FNDC3A: variants seen among roughly 807,000 people sequenced by gnomAD.
FNDC3A encodes the protein fibronectin type-III domain-containing protein 3A.
In FNDC3A, 32 loss-of-function variants were observed where a neutral mutation model predicts 148.9. The ratio of observed to expected loss-of-function variants is 0.21; its 90% CI spans 0.16 to 0.29. The LOEUF is 0.29. Ranked by LOEUF, FNDC3A falls within the 10% of genes least tolerant of loss-of-function variation. FNDC3A has a pLI of 1.00. For synonymous variants in FNDC3A, 472 were observed against 473.6 expected (o/e 1.00, Z 0.04); for missense variants, 1,191 against 1,452.8 (o/e 0.82, Z 2.93).
At chr13:49,126,234 T>A (rs1566267644) in intron 4 of FNDC3A, among the ~76,000 whole-genome samples, 1 of 152,020 alleles carries the variant, frequency 6.6e-6, no homozygotes, top group Non-Finnish European at 1.5e-5. Context: ...TTTTTTCCCC[T>A]CTTCTGTCTA....
intron 2 of FNDC3A, among the ~76,000 whole-genome samples, chr13:49,017,140 C>A (rs905665917): frequency 2.6e-5 from 4 of 152,036 alleles, no homozygotes; most frequent in Non-Finnish European, 4.4e-5. Context: ...GAGCTGAGTT[C>A]AATTCCTGGG....
intron 25 of FNDC3A, among the ~76,000 whole-genome samples, chr13:49,206,533 C>CA (rs1886654240): frequency 6.6e-6 from 1 of 152,160 alleles, no homozygotes; most frequent in South Asian, 2.1e-4. Flanking sequence ...CCTTGTGAGG[C>CA]ATGGCAGAGG....
intron 11 of FNDC3A, among the ~76,000 whole-genome samples, chr13:49,172,679 T>A (rs184912826): frequency 1.3e-5 from 2 of 152,228 alleles, no homozygotes; most frequent in Non-Finnish European, 2.9e-5. Context: ...GGAACACTTA[T>A]GATTCCATGT....
chr13:49,020,017 T>G (rs553536601), intron 2 of FNDC3A, among the ~76,000 whole-genome samples: 1 of 152,292 alleles, frequency 6.6e-6, no homozygotes, highest in South Asian at 2.1e-4. Flanking sequence ...TCATCTTAAG[T>G]TTGGAAGTAC....
At chr13:49,045,099 GCCTTTC>G (rs981058394) in intron 2 of FNDC3A, 1 of 132,866 alleles carries the variant, frequency 7.5e-6, no homozygotes, top group African/African-American at 3.5e-5. Flanking sequence ...CTTTCCCTTT[GCCTTTC>G]CCTTTCCTTT....
intron 1 of FNDC3A, among the ~76,000 whole-genome samples, chr13:49,004,756 TA>T (rs1952190420): frequency 1.3e-5 from 2 of 152,018 alleles, no homozygotes; most frequent in African/African-American, 4.8e-5. Flanking sequence ...CAGTGGTTTT[TA>T]TTTTTTTTAA....
intron 8 of FNDC3A, among the ~76,000 whole-genome samples, chr13:49,164,488 A>T (rs1884345269): frequency 6.6e-6 from 1 of 152,136 alleles, no homozygotes; most frequent in Non-Finnish European, 1.5e-5. Context: ...TATTTTGTTG[A>T]GTAGGTTTTC....
chr13:49,158,576 C>T lies in FNDC3A; in HGVS notation c.978-8668C>T, dbSNP rs557623229. On this transcript the variant is annotated intron_variant, in intron 8 of 25. Transcript: ENST00000492622. ...TCTCCCATTCTGTAGGTTGCCTGTT[C>T]ACTCTGATGGTAGTTTATTTTGCTG... Among the ~76,000 whole-genome samples, 48 of 152,340 alleles carry T rather than the reference C, an allele frequency of 3.2e-4. No individual in the cohort carries two copies. In the South Asian group the frequency reaches 9.9e-3, roughly 32 times the overall value.
intron 4 of FNDC3A, among the ~76,000 whole-genome samples, chr13:49,116,029 T>G (rs1304926217): frequency 1.3e-5 from 2 of 152,214 alleles, no homozygotes; most frequent in African/African-American, 4.8e-5. Flanking sequence ...AGTTCATGAT[T>G]TATTGAGTGG....
chr13:49,176,362 C>T (rs1885030904), intron 13 of FNDC3A, among the ~76,000 whole-genome samples: 1 of 152,052 alleles, frequency 6.6e-6, no homozygotes, highest in African/African-American at 2.4e-5. Context: ...AACCATTATT[C>T]TCAGCAAACT....
Position 49,198,577 on chromosome 13 carries a change from A to C in FNDC3A, c.2987+3A>C. 6.2e-7 allele frequency: 1 copy of C among 1,606,142 alleles called. No homozygotes were observed. Among genetic ancestry groups the C allele is most frequent in the Non-Finnish European group, 8.5e-7 (1 of 1,172,906 alleles). The stretch of plus-strand genomic sequence containing the variant: ...CAGATGGAGGATAAGAATGGACGGT[A>C]GGTTTTTTTAATTGCTTCTTTATAT... On this transcript the variant is annotated splice_donor_region_variant and intron_variant, in intron 23 of 25. Transcript: ENST00000492622.
chr13:49,064,270 G>T (rs1877099694), intron 2 of FNDC3A, among the ~76,000 whole-genome samples: 1 of 152,148 alleles, frequency 6.6e-6, no homozygotes, highest in Non-Finnish European at 1.5e-5. Flanking sequence ...GAACCTGGGA[G>T]GTGGAGGTTG....
chr13:49,070,447 G>A (rs1294564382), intron 2 of FNDC3A, among the ~76,000 whole-genome samples: 1 of 151,972 alleles, frequency 6.6e-6, no homozygotes, highest in Non-Finnish European at 1.5e-5. Flanking sequence ...TTAATACTAA[G>A]CCTTAAGGTT....
At chr13:49,086,767 A>T (rs1593571181) in intron 3 of FNDC3A, among the ~76,000 whole-genome samples, 1 of 152,184 alleles carries the variant, frequency 6.6e-6, no homozygotes, top group African/African-American at 2.4e-5. Context: ...ATACTGGTGG[A>T]AATCATGATT....
At chr13:49,057,588 A>G (rs926707102) in intron 2 of FNDC3A, among the ~76,000 whole-genome samples, 3 of 152,068 alleles carry the variant, frequency 2.0e-5, no homozygotes, top group Non-Finnish European at 2.9e-5. Context: ...AGGATATCCA[A>G]TATTCATGTT....
rs372350331 is a variant in FNDC3A at position 49,081,157 on chromosome 13, C to A, written c.175+5793C>A. Among the ~76,000 whole-genome samples, 608 of 152,252 alleles carry A rather than the reference C, an allele frequency of 4.0e-3. 3 individuals carry two copies. The highest frequency in any genetic ancestry group is 0.011 in the South Asian group (53 of 4,818). Reference sequence around the variant, plus strand: ...CAGGTATGGCTTTTTCTCTTTTCGTCTGTGATACCTCAGAATGAATAAATG... The same window carrying A: ...CAGGTATGGCTTTTTCTCTTTTCGTATGTGATACCTCAGAATGAATAAATG... On this transcript the variant is annotated intron_variant, in intron 3 of 25. Transcript: ENST00000492622.
chr13:49,175,399 C>T lies in FNDC3A; in HGVS notation c.1388C>T (p.Ser463Leu). Residue 463 changes from serine (S) to leucine (L), a missense_variant, in exon 13 of 26, where the codon TCA (serine) becomes TTA (leucine). Transcript: ENST00000492622. Reference protein sequence around the residue: ...GFSEEVLYYTSGCAPSMPASP... With the variant: ...GFSEEVLYYTLGCAPSMPASP... ...AGTGAAGAAGTCTTATATTACACCT[C>T]AGGCTGTGCTCCTTCTATGCCAGCA... is the stretch of plus-strand genomic sequence containing the variant. 1 of 1,605,570 alleles carries T rather than the reference C, an allele frequency of 6.2e-7. No homozygotes were observed. Among genetic ancestry groups the T allele is most frequent in the Non-Finnish European group, 8.5e-7 (1 of 1,176,474 alleles).
chr13:49,085,661 C>T (rs1027555980), intron 3 of FNDC3A, among the ~76,000 whole-genome samples: 3 of 152,114 alleles, frequency 2.0e-5, no homozygotes, highest in African/African-American at 4.8e-5. Flanking sequence ...CCATTTCTTC[C>T]TATAATCACA....
At chr13:49,149,033 T>C (rs996198457) in intron 8 of FNDC3A, among the ~76,000 whole-genome samples, 1 of 152,192 alleles carries the variant, frequency 6.6e-6, no homozygotes. Context: ...GAAATGATGC[T>C]GATTTTTGTA....
Sources: allele counts gnomAD v4.1 joint callset (sites outside exome capture counted in the v4.1 genomes callset), GRCh38; gene constraint gnomAD v4.1.1; transcripts MANE v1.5; gene names NCBI Gene and HGNC (gene_info 2026-07-23, HGNC 2026-07-21).